The following ADORA1 variants were observed in gnomAD, a reference collection of about 807,000 sequenced individuals.
ADORA1 encodes adenosine receptor A1.
A neutral mutation model predicts 19.9 loss-of-function variants in ADORA1; 6 were observed. That is an observed-to-expected ratio of 0.30 (90% CI 0.17 to 0.59). ADORA1 has a LOEUF of 0.59. ADORA1 is among the 20% of genes least tolerant of loss of function. The pLI, the probability that ADORA1 is intolerant of heterozygous loss-of-function variation, is 0.87. For missense variants in ADORA1, 302 were observed against 439.2 expected (o/e 0.69, Z 2.79); for synonymous variants, 194 against 188.4 (o/e 1.03, Z -0.24).
Position 203,128,459 on chromosome 1 carries a change from C to A in ADORA1, c.-58+27C>A. The A allele has an allele frequency of 2.3e-6, 3 of 1,283,282 alleles. No individual in the cohort carries two copies. In the South Asian group the frequency reaches 3.7e-5, roughly 16 times the overall value. 79.5% of individuals were successfully genotyped at this position (1,283,282 alleles called of 1,614,324 possible). ...TGAGCTCCCTGCATCCTGTTCTGTG[C>A]ACAGGGGTGGGCAGAGCCAGTCATG... On this transcript the variant is annotated intron_variant, in intron 2 of 3. Coordinates refer to ENST00000337894, the MANE Select transcript of ADORA1 (RefSeq NM_000674.3). The surrounding 1 kb of genome is among the most constrained non-coding windows in gnomAD (Gnocchi z 5.9).
At chr1:203,156,582 G>A (rs1655205913) in intron 3 of ADORA1, among the ~76,000 whole-genome samples, 1 of 152,160 alleles carries the variant, frequency 6.6e-6, no homozygotes, top group African/African-American at 2.4e-5. Flanking sequence ...GGAGACTGGG[G>A]GAATGACAGT....
At chr1:203,152,060 A>C (rs577067879) in intron 3 of ADORA1, among the ~76,000 whole-genome samples, 2 of 152,248 alleles carry the variant, frequency 1.3e-5, no homozygotes, top group South Asian at 4.1e-4. Context: ...GATTTGACAC[A>C]TTCCAGAAGA....
intron 3 of ADORA1, among the ~76,000 whole-genome samples, chr1:203,138,772 G>C (rs962448962): frequency 6.6e-6 from 1 of 152,132 alleles, no homozygotes; most frequent in African/African-American, 2.4e-5. Flanking sequence ...TGGGGCAGTA[G>C]CTGTCAGGGG....
intron 3 of ADORA1, chr1:203,149,871 T>TC (rs1240301564): frequency 6.6e-6 from 1 of 152,060 alleles, no homozygotes; most frequent in Non-Finnish European, 1.5e-5. Context: ...ATATTTGTTT[T>TC]CTTTTTTTTT....
chr1:203,134,015 G>A (rs1457590054), intron 3 of ADORA1, among the ~76,000 whole-genome samples: 1 of 152,212 alleles, frequency 6.6e-6, no homozygotes, highest in Non-Finnish European at 1.5e-5. Flanking sequence ...TCTGCTTTCA[G>A]AGAGGTAGGC....
At position 203,165,536 on chromosome 1, in the gene ADORA1, T is replaced by A; in HGVS notation, c.617T>A (p.Leu206Gln). 6.2e-7 allele frequency: 1 copy of A among 1,613,860 alleles called. No individual in the cohort carries two copies. Among genetic ancestry groups the A allele is most frequent in the Non-Finnish European group, 8.5e-7 (1 of 1,179,808 alleles). Residue 206 changes from leucine to glutamine, a missense_variant, in exon 4 of 4, where the codon CTA (leucine) becomes CAA (glutamine). Leu to Gln is a moderately radical substitution (Grantham distance 113). Coordinates refer to ENST00000337894, the MANE Select transcript of ADORA1 (RefSeq NM_000674.3). This position sits in a 1 kb window ranked among gnomAD's most constrained non-coding sequence, Gnocchi z 5.9. ...MVLIYLEVFY[L>Q]IRKQLNKKVS... ...CTCATCTACCTGGAGGTCTTCTACC[T>A]AATCCGCAAGCAGCTCAACAAGAAG...
At chr1:203,150,801 T>C in intron 3 of ADORA1, 1 of 1,159,556 alleles carries the variant, frequency 8.6e-7, no homozygotes, top group Non-Finnish European at 1.1e-6. Context: ...TCCTGTCTTC[T>C]CTGTCCTCCC....
At position 203,165,510 on chromosome 1, in the gene ADORA1, C is replaced by T; in HGVS notation, c.591C>T (p.Val197=). The part of the protein sequence containing the change: ...VWVLPPLLLM[V]LIYLEVFYLI... ...TGCTGCCCCCGCTTCTCCTCATGGT[C>T]CTCATCTACCTGGAGGTCTTCTACC... Residue 197 remains valine (V), a synonymous_variant, in exon 4 of 4, where the codon GTC becomes GTT. Coordinates refer to ENST00000337894, the MANE Select transcript of ADORA1 (RefSeq NM_000674.3). The surrounding 1 kb of genome is among the most constrained non-coding windows in gnomAD (Gnocchi z 5.9). 1.9e-6 allele frequency: 3 copies of T among 1,613,496 alleles called. No homozygotes were observed. Among genetic ancestry groups the T allele is most frequent in the Non-Finnish European group, 1.7e-6 (2 of 1,179,578 alleles).
chr1:203,134,477 G>T (rs974357605), intron 3 of ADORA1, among the ~76,000 whole-genome samples: 1 of 152,188 alleles, frequency 6.6e-6, no homozygotes. Context: ...AATTGAAGAG[G>T]CATCTGGACT....
intron 3 of ADORA1, among the ~76,000 whole-genome samples, chr1:203,142,974 C>T (rs1358336410): frequency 6.6e-6 from 1 of 152,206 alleles, no homozygotes; most frequent in Non-Finnish European, 1.5e-5. Context: ...ATTACGGTCC[C>T]CTGGGGCCAT....
chr1:203,138,734 G>A (rs1279075885), intron 3 of ADORA1, among the ~76,000 whole-genome samples: 1 of 152,204 alleles, frequency 6.6e-6, no homozygotes, highest in Non-Finnish European at 1.5e-5. Flanking sequence ...TACTCTTGAG[G>A]AATTTTGTTG....
chr1:203,141,226 A>G (rs1654676499), intron 3 of ADORA1, among the ~76,000 whole-genome samples: 1 of 152,160 alleles, frequency 6.6e-6, no homozygotes, highest in Non-Finnish European at 1.5e-5. Flanking sequence ...TGGCAGCCCC[A>G]TCAGCTCCTA....
intron 3 of ADORA1, among the ~76,000 whole-genome samples, chr1:203,145,388 C>G (rs530622569): frequency 3.3e-5 from 5 of 152,202 alleles, no homozygotes; most frequent in African/African-American, 1.2e-4. Context: ...CCACCTTCCC[C>G]GCTGACCTGC....
intron 3 of ADORA1, among the ~76,000 whole-genome samples, chr1:203,157,930 C>T (rs1655247679): frequency 6.6e-6 from 1 of 152,238 alleles, no homozygotes; most frequent in Non-Finnish European, 1.5e-5. Flanking sequence ...TAAAGGTCCT[C>T]AGCTGCCTTG....
chr1:203,141,802 C>T (rs974710484), intron 3 of ADORA1, among the ~76,000 whole-genome samples: 4 of 151,974 alleles, frequency 2.6e-5, no homozygotes, highest in Admixed American at 2.0e-4. Flanking sequence ...AGATTGGTCT[C>T]GAACTCCTGG....
Position 203,129,030 on chromosome 1 carries a change from C to T in ADORA1, c.189C>T (p.Ile63=), listed in dbSNP as rs924754209. The T allele has an allele frequency of 9.3e-6, 15 of 1,614,010 alleles. No individual in the cohort carries two copies. The highest frequency in any genetic ancestry group is 1.2e-5 in the Non-Finnish European group (14 of 1,180,036). Residue 63 remains isoleucine, a synonymous_variant, in exon 3 of 4, where the codon ATC becomes ATT. Transcript: ENST00000337894. ...VADVAVGALV[I]PLAILINIGP... is the part of the protein sequence containing the mutation. ...ATGTGGCCGTGGGTGCCCTGGTCAT[C>T]CCCCTCGCCATCCTCATCAACATTG... is the stretch of plus-strand genomic sequence containing the variant.
At chr1:203,133,647 G>T (rs1002178633) in intron 3 of ADORA1, among the ~76,000 whole-genome samples, 6 of 152,168 alleles carry the variant, frequency 3.9e-5, no homozygotes, top group Non-Finnish European at 7.4e-5. Context: ...TTTGCCAATG[G>T]CCTCTGCACT....
At position 203,156,659 on chromosome 1, in the gene ADORA1, G is replaced by A. The variant is rs138183065; in HGVS notation, c.342-8602G>A. Among the ~76,000 whole-genome samples, 501 of 152,286 alleles carry A rather than the reference G, an allele frequency of 3.3e-3. 1 individual carries two copies. The highest frequency in any genetic ancestry group is 6.8e-3 in the Middle Eastern group (2 of 294). On this transcript the variant is annotated intron_variant, in intron 3 of 3. Coordinates refer to ENST00000337894, the MANE Select transcript of ADORA1 (RefSeq NM_000674.3). ...TCTTGTTGACTCTTTCTCTCACCTGGACATCTGTCTTACTTCATTTTCTGC... is the reference window on the plus strand; with the variant it reads ...TCTTGTTGACTCTTTCTCTCACCTGAACATCTGTCTTACTTCATTTTCTGC...
intron 3 of ADORA1, among the ~76,000 whole-genome samples, chr1:203,143,872 G>A (rs948622700): frequency 1.3e-5 from 2 of 152,284 alleles, no homozygotes; most frequent in Non-Finnish European, 1.5e-5. Flanking sequence ...CGTTTCCAAC[G>A]GCCACGGTGG....
Sources: allele counts gnomAD v4.1 joint callset (sites outside exome capture counted in the v4.1 genomes callset), GRCh38; gene constraint gnomAD v4.1.1; non-coding constraint Gnocchi (gnomAD v3.1); transcripts MANE v1.5; gene names NCBI Gene and HGNC (gene_info 2026-07-23, HGNC 2026-07-21).